The following APP variants were observed in gnomAD, a reference collection of about 807,000 sequenced individuals.
APP encodes the protein amyloid beta precursor protein.
Under a neutral mutation model 101.4 loss-of-function variants are expected in APP, and 31 were observed. The ratio of observed to expected loss-of-function variants is 0.31; its 90% CI spans 0.23 to 0.41. APP has a LOEUF of 0.41. Ranked by LOEUF, APP falls within the 10% of genes least tolerant of loss-of-function variation. The probability of loss-of-function intolerance (pLI) is 1.00; values close to 1 mark genes in which losing one functional copy is unlikely to be tolerated. For synonymous variants in APP, 366 were observed against 364.4 expected (o/e 1.00, Z -0.05); for missense variants, 839 against 1,003.7 (o/e 0.84, Z 2.22).
At chr21:26,124,017 A>G (rs563125294) in intron 1 of APP, among the ~76,000 whole-genome samples, 66 of 152,214 alleles carry the variant, frequency 4.3e-4, no homozygotes, top group Admixed American at 4.1e-3. Context: ...AAACAAGACA[A>G]AAGTTACTTC....
chr21:26,008,227 C>T (rs1044371852), intron 6 of APP, among the ~76,000 whole-genome samples: 2 of 152,164 alleles, frequency 1.3e-5, no homozygotes, highest in Non-Finnish European at 2.9e-5. Context: ...TTATAAAATG[C>T]CACCTGAAGG....
rs114135576 is a variant in APP at position 25,949,275 on chromosome 21, C to A, written c.1687+5315G>T. 7.0e-3 allele frequency among the ~76,000 whole-genome samples: 1,069 copies of A among 152,208 alleles called. 14 individuals carry two copies. The highest frequency in any genetic ancestry group is 0.024 in the African/African-American group (982 of 41,498). ...CTTCAGACTGTGGTTGGCGGTCAAACAGGACAGCACAATTAAATCAAGTAG... is the reference window on the plus strand; with the variant it reads ...CTTCAGACTGTGGTTGGCGGTCAAAAAGGACAGCACAATTAAATCAAGTAG... On this transcript the variant is annotated intron_variant, in intron 13 of 17. Coordinates refer to ENST00000346798, the MANE Select transcript of APP (RefSeq NM_000484.4).
intron 1 of APP, among the ~76,000 whole-genome samples, chr21:26,131,232 A>AAAAT (rs899937779): frequency 1.3e-5 from 2 of 152,056 alleles, no homozygotes; most frequent in African/African-American, 4.8e-5. Flanking sequence ...GCCACCTCAA[A>AAAAT]AAATAAATAA....
At chr21:25,897,862 AAG>A (rs2038182713) in intron 15 of APP, 189 bp from the exon 16 acceptor site, 1 of 600,744 alleles carries the variant, frequency 1.7e-6, no homozygotes, top group Non-Finnish European at 2.9e-6. Flanking sequence ...TTTGAACAAA[AAG>A]AAATGAAAGG....
At chr21:25,968,633 T>G in intron 11 of APP, among the ~76,000 whole-genome samples, 1 of 152,162 alleles carries the variant, frequency 6.6e-6, no homozygotes. Context: ...TGAAATTCAT[T>G]AGTAGAACAA....
In APP at chr21:26,152,284, C is replaced by CAAAAAAAAAAAAAAAAA. The variant is rs1161739630; in HGVS notation, c.57+18263_57+18279dup. On this transcript the variant is annotated intron_variant, in intron 1 of 17. Transcript: ENST00000346798. Reference sequence around the variant, plus strand: ...TGGGCGACAGAGCAAGACTCCATCTCAAAAAAAAAAAAAAAAAAAAAAATG... The same window carrying CAAAAAAAAAAAAAAAAA: ...TGGGCGACAGAGCAAGACTCCATCTCAAAAAAAAAAAAAAAAAAAAAAAAAAAAAAAAAAAAAAAATG... Among the ~76,000 whole-genome samples, 15 of 36,176 alleles carry CAAAAAAAAAAAAAAAAA rather than the reference C, an allele frequency of 4.1e-4. No homozygotes were observed. The East Asian group carries it at 4.2e-3, about 10-fold the overall frequency. 23.7% of individuals were successfully genotyped at this position (36,176 alleles called of 152,430 possible).
intron 12 of APP, among the ~76,000 whole-genome samples, chr21:25,955,386 C>T (rs149863677): frequency 2.6e-5 from 4 of 152,200 alleles, no homozygotes; most frequent in African/African-American, 9.6e-5. Context: ...TTAATCAGTT[C>T]CTTAGCAATC....
chr21:25,908,426 G>A (rs950185230), intron 14 of APP, among the ~76,000 whole-genome samples: 2 of 152,196 alleles, frequency 1.3e-5, no homozygotes, highest in African/African-American at 4.8e-5. Flanking sequence ...AGGACTGCAT[G>A]AAGAACAAAA....
chr21:25,926,761 T>C (rs955490950), intron 13 of APP, among the ~76,000 whole-genome samples: 1 of 152,124 alleles, frequency 6.6e-6, no homozygotes, highest in African/African-American at 2.4e-5. Flanking sequence ...ATATCACGCC[T>C]GTAATCCCAG....
chr21:26,101,736 TAA>T (rs989559765), intron 2 of APP, among the ~76,000 whole-genome samples: 96 of 152,316 alleles, frequency 6.3e-4, no homozygotes, highest in African/African-American at 2.2e-3. Flanking sequence ...CTAATTTTTC[TAA>T]AAGTGTCTTG....
Position 26,122,884 on chromosome 21 carries a change from A to AG in APP, c.58-10739dup, listed in dbSNP as rs2062605822. 2.6e-5 allele frequency among the ~76,000 whole-genome samples: 4 copies of AG among 152,278 alleles called. No individual in the cohort carries two copies. In the South Asian group the frequency reaches 8.3e-4, roughly 32 times the overall value. ...TTACTCCGTGAAAGCTCACTGAAAC[A>AG]GGAATTCGGATATTTGACATTTACT... On this transcript the variant is annotated intron_variant, in intron 1 of 17. Coordinates refer to ENST00000346798, the MANE Select transcript of APP (RefSeq NM_000484.4).
intron 6 of APP, among the ~76,000 whole-genome samples, chr21:26,009,372 C>T (rs1169110218): frequency 6.6e-6 from 1 of 152,100 alleles, no homozygotes; most frequent in African/African-American, 2.4e-5. Flanking sequence ...AAAACAGCTT[C>T]GATACCTCTG....
chr21:26,155,261 G>A (rs1013010417), intron 1 of APP, among the ~76,000 whole-genome samples: 10 of 151,984 alleles, frequency 6.6e-5, no homozygotes, highest in African/African-American at 1.2e-4. Context: ...GTGAGACTCC[G>A]TCTCAAAAAA....
chr21:26,155,403 C>T (rs912217132), intron 1 of APP, among the ~76,000 whole-genome samples: 8 of 152,162 alleles, frequency 5.3e-5, no homozygotes, highest in Non-Finnish European at 1.2e-4. Context: ...AATTTAGTGA[C>T]AGACTAAAAT....
intron 2 of APP, among the ~76,000 whole-genome samples, chr21:26,111,163 T>C (rs540276359): frequency 5.9e-4 from 87 of 147,616 alleles, no homozygotes; most frequent in Non-Finnish European, 5.4e-4. Context: ...AGGAAAAATA[T>C]GTATTTTCTT....
chr21:25,890,016 TA>T, intron 17 of APP, among the ~76,000 whole-genome samples: 2 of 152,188 alleles, frequency 1.3e-5, no homozygotes, highest in Admixed American at 1.3e-4. Flanking sequence ...AGAAATGAAA[TA>T]AGCTGATACT....
At chr21:25,896,374 T>C (rs548798395) in intron 16 of APP, among the ~76,000 whole-genome samples, 2 of 152,130 alleles carry the variant, frequency 1.3e-5, no homozygotes, top group Non-Finnish European at 2.9e-5. Context: ...TTATCAACTT[T>C]ATGAATATTG....
At chr21:26,011,830 C>A (rs144341323) in intron 6 of APP, among the ~76,000 whole-genome samples, 3 of 152,178 alleles carry the variant, frequency 2.0e-5, no homozygotes, top group Non-Finnish European at 4.4e-5. Context: ...CACGTGCAAG[C>A]AACATAAAAT....
chr21:26,134,840 A>T (rs985932411), intron 1 of APP, among the ~76,000 whole-genome samples: 3 of 152,218 alleles, frequency 2.0e-5, no homozygotes, highest in Admixed American at 6.5e-5. Flanking sequence ...GCTAAATGTC[A>T]GGAAACATAT....
Sources: gnomAD v4.1 joint callset for allele counts (sites outside exome capture counted in the v4.1 genomes callset) on GRCh38, gnomAD v4.1.1 for gene constraint, MANE v1.5 for transcripts, NCBI Gene and HGNC (gene_info 2026-07-23, HGNC 2026-07-21) for gene names.